Variants in HSD17B2 observed in about 807,000 individuals in gnomAD.
The protein encoded by HSD17B2 is hydroxysteroid 17-beta dehydrogenase 2, also known as 17-beta-hydroxysteroid dehydrogenase type 2.
Under a neutral mutation model 26.9 loss-of-function variants are expected in HSD17B2, and 32 were observed. The ratio of observed to expected loss-of-function variants is 1.19; its 90% CI spans 0.90 to 1.60. The LOEUF (loss-of-function observed/expected upper bound fraction) is 1.60. Ranked by LOEUF, HSD17B2 falls within the 40% of genes most tolerant of loss-of-function variation. The pLI is 0.00. For missense variants in HSD17B2, 613 were observed against 468.6 expected (o/e 1.31, Z -2.85); for synonymous variants, 246 against 186.7 (o/e 1.32, Z -2.59).
At chr16:82,096,649 ATATAT>A (rs970096307) in intron 4 of HSD17B2, 1 of 152,064 alleles carries the variant, frequency 6.6e-6, no homozygotes, top group Non-Finnish European at 1.5e-5. Context: ...ACATTACATG[ATATAT>A]TATATATGTA....
chr16:82,076,775 T>G (rs1382227974), intron 3 of HSD17B2, among the ~76,000 whole-genome samples: 1 of 152,156 alleles, frequency 6.6e-6, no homozygotes, highest in Non-Finnish European at 1.5e-5. Flanking sequence ...AGACAGGGTT[T>G]CATAATGTTG....
At chr16:82,066,304 C>T (rs16956363) in intron 1 of HSD17B2, among the ~76,000 whole-genome samples, 2,494 of 152,194 alleles carry the variant, frequency 0.016, 69 homozygotes, top group African/African-American at 0.056. Context: ...ATGGAGCAAA[C>T]GTTAAATGCA....
Position 82,090,968 on chromosome 16 carries a change from C to G in HSD17B2, c.731C>G (p.Ser244Ter). The G allele has an allele frequency of 6.2e-7, 1 of 1,613,344 alleles. No individual in the cohort carries two copies. The highest frequency in any genetic ancestry group is 1.1e-5 in the South Asian group (1 of 91,072). Residue 244 changes from serine to a stop codon, truncating the protein, a stop_gained, in exon 4 of 5, where the codon TCA becomes TGA. Transcript: ENST00000199936. LOFTEE classifies it high-confidence loss of function. ...AAGGCGGCTGTGACCATGTTCTCAT[C>G]AGTTATGAGACTGGAGCTTTCCAAG... The part of the protein sequence containing the change: ...SSKAAVTMFS[S>*]VMRLELSKWG...
intron 3 of HSD17B2, among the ~76,000 whole-genome samples, chr16:82,085,340 G>A: frequency 6.6e-6 from 1 of 152,168 alleles, no homozygotes; most frequent in East Asian, 1.9e-4. Context: ...AAGACTGAGT[G>A]AACCTCCTCA....
At chr16:82,084,349 C>A (rs773015494) in intron 3 of HSD17B2, among the ~76,000 whole-genome samples, 1 of 152,038 alleles carries the variant, frequency 6.6e-6, no homozygotes, top group Non-Finnish European at 1.5e-5. Context: ...AATTGTGACA[C>A]GTCTTCAGAT....
At chr16:82,089,295 A>C (rs1904616638) in intron 3 of HSD17B2, among the ~76,000 whole-genome samples, 1 of 152,198 alleles carries the variant, frequency 6.6e-6, no homozygotes, top group Admixed American at 6.5e-5. Flanking sequence ...TACATGTATC[A>C]AGTTCATTCC....
intron 1 of HSD17B2, among the ~76,000 whole-genome samples, chr16:82,048,608 C>T (rs1193363686): frequency 2.0e-5 from 3 of 152,110 alleles, no homozygotes; most frequent in Non-Finnish European, 2.9e-5. Flanking sequence ...GAAGAAGAGA[C>T]ATTAATAGTA....
intron 3 of HSD17B2, among the ~76,000 whole-genome samples, chr16:82,087,481 A>G (rs1253722268): frequency 6.6e-6 from 1 of 152,200 alleles, no homozygotes; most frequent in African/African-American, 2.4e-5. Context: ...GATGAGGTTG[A>G]ACCATACAAT....
chr16:82,038,055 T>C (rs555618073), intron 1 of HSD17B2, among the ~76,000 whole-genome samples: 18 of 152,338 alleles, frequency 1.2e-4, no homozygotes, highest in Non-Finnish European at 2.4e-4. Context: ...ATAAAAATAC[T>C]TAAAAGAGAA....
chr16:82,077,695 C>T (rs1186110744), intron 3 of HSD17B2, among the ~76,000 whole-genome samples: 1 of 151,114 alleles, frequency 6.6e-6, no homozygotes, highest in African/African-American at 2.4e-5. Flanking sequence ...CACACCATTG[C>T]ACTCCAGCCT....
chr16:82,087,370 G>A (rs1173959397), intron 3 of HSD17B2, among the ~76,000 whole-genome samples: 1 of 152,114 alleles, frequency 6.6e-6, no homozygotes, highest in African/African-American at 2.4e-5. Context: ...GTTACATAAC[G>A]TCAAAAAGCC....
rs35272646 is a variant in HSD17B2, at chr16:82,090,302, G to GTTTTTTTTTTTTTTTT, written c.665-581_665-566dup. 2.5e-4 allele frequency: 10 copies of GTTTTTTTTTTTTTTTT among 40,086 alleles called. 3 individuals are homozygous for GTTTTTTTTTTTTTTTT. Among genetic ancestry groups the GTTTTTTTTTTTTTTTT allele is most frequent in the African/African-American group, 1.0e-3 (9 of 8,592 alleles). 2.5% of individuals were successfully genotyped at this position (40,086 alleles called of 1,614,324 possible). ...CTCTTCATCTTACCTAAACTACATT[G>GTTTTTTTTTTTTTTTT]TTTTTTTTTTTTTTTTTTTTTTTTT... On this transcript the variant is annotated intron_variant, in intron 3 of 4. Coordinates refer to ENST00000199936, the MANE Select transcript of HSD17B2 (RefSeq NM_002153.3).
chr16:82,081,309 C>G (rs926281136), intron 3 of HSD17B2, among the ~76,000 whole-genome samples: 1 of 152,200 alleles, frequency 6.6e-6, no homozygotes, highest in African/African-American at 2.4e-5. Flanking sequence ...TCTCCTCTCT[C>G]CTTCTGTTGT....
chr16:82,053,020 A>G (rs555458218), intron 1 of HSD17B2, among the ~76,000 whole-genome samples: 2 of 152,302 alleles, frequency 1.3e-5, no homozygotes, highest in Admixed American at 6.5e-5. Flanking sequence ...GGGCCCCATT[A>G]TGACCTTATC....
chr16:82,090,366 G>T (rs1486387641), intron 3 of HSD17B2: 1 of 172,320 alleles, frequency 5.8e-6, no homozygotes, highest in African/African-American at 2.9e-5. Context: ...TCGAAAGGCT[G>T]GAGTGCAGTG....
At chr16:82,097,314 ATG>A (rs1343802742) in intron 4 of HSD17B2, 3 of 150,184 alleles carry the variant, frequency 2.0e-5, no homozygotes, top group Admixed American at 6.7e-5. Context: ...ACACATATAT[ATG>A]TGTGTGTATA....
At chr16:82,036,316 TTGTTTGTGTGTGTG>T (rs1178094992) in intron 1 of HSD17B2, among the ~76,000 whole-genome samples, 2 of 111,486 alleles carry the variant, frequency 1.8e-5, no homozygotes, top group Admixed American at 2.1e-4. Flanking sequence ...AGTTTTTCCC[TTGTTTGTGTGTGTG>T]TGTGTGTGTG....
In HSD17B2 at chr16:82,071,084, T is replaced by C; in HGVS notation, c.621T>C (p.Leu207=). The change falls in exon 3 of 5, where the codon CTT becomes CTC. Residue 207 remains leucine, a synonymous_variant. Transcript: ENST00000199936. Reference sequence around the variant, plus strand: ...TCACAAAGACGTTTTTGCCTCTTCTTAGAAAATCCAAAGGGAGGCTGGTGA... The same window carrying C: ...TCACAAAGACGTTTTTGCCTCTTCTCAGAAAATCCAAAGGGAGGCTGGTGA... ...VEVTKTFLPL[L]RKSKGRLVNV... The C allele has an allele frequency of 6.2e-7, 1 of 1,614,186 alleles. No individual in the cohort carries two copies. The highest frequency in any genetic ancestry group is 8.5e-7 in the Non-Finnish European group (1 of 1,180,038).
chr16:82,048,879 T>A (rs532264508), intron 1 of HSD17B2, among the ~76,000 whole-genome samples: 2 of 152,206 alleles, frequency 1.3e-5, no homozygotes, highest in Non-Finnish European at 1.5e-5. Flanking sequence ...GAAATGAGCA[T>A]GCCAAATGCT....
Sources: allele counts gnomAD v4.1 joint callset (sites outside exome capture counted in the v4.1 genomes callset), GRCh38; gene constraint gnomAD v4.1.1; transcripts MANE v1.5; gene names NCBI Gene and HGNC (gene_info 2026-07-23, HGNC 2026-07-21).